Variants in MGAT4C observed in about 807,000 individuals in gnomAD.
The protein encoded by MGAT4C is MGAT4 family member C.
Under a neutral mutation model 40.1 loss-of-function variants are expected in MGAT4C, and 19 were observed. That is an observed-to-expected ratio of 0.47 (90% CI 0.33 to 0.70). MGAT4C has a LOEUF of 0.70. Among genes scored for constraint, MGAT4C ranks in the 30% least tolerant of loss-of-function variants. The pLI, the probability that MGAT4C is intolerant of heterozygous loss-of-function variation, is 0.02. For synonymous variants in MGAT4C, 181 were observed against 187.1 expected (o/e 0.97, Z 0.27); for missense variants, 491 against 563.2 (o/e 0.87, Z 1.30).
In MGAT4C at chr12:86,356,347, T is replaced by C. The variant is rs574285164; in HGVS notation, c.-119-22220A>G. ...ATTAAATGTTAATACACACACTAAT[T>C]TGGATCAGGTTCCAAGATGGCCAAA... On this transcript the variant is annotated intron_variant, in intron 3 of 7. Transcript: ENST00000548651. Among the ~76,000 whole-genome samples, 6 of 152,260 alleles carry C rather than the reference T, an allele frequency of 3.9e-5. No homozygotes were observed. The East Asian group carries it at 1.2e-3, about 29-fold the overall frequency.
chr12:86,304,553 A>G (rs1377111079), intron 4 of MGAT4C, among the ~76,000 whole-genome samples: 1 of 150,798 alleles, frequency 6.6e-6, no homozygotes, highest in Non-Finnish European at 1.5e-5. Flanking sequence ...TGTTTCTTAC[A>G]TATTCAAAAT....
rs190352373 is a variant in MGAT4C, at chr12:86,485,403, T to C, written c.-228-50138A>G. Among the ~76,000 whole-genome samples, 11 of 152,270 alleles carry C rather than the reference T, an allele frequency of 7.2e-5. No homozygotes were observed. In the East Asian group the frequency reaches 1.7e-3, roughly 24 times the overall value. ...CTAAGAAAGAAGCAAACCAGACTTC[T>C]GGAATTGAAAAAATCACTACAAGAA... is the stretch of plus-strand genomic sequence containing the variant. On this transcript the variant is annotated intron_variant, in intron 2 of 7. Transcript: ENST00000548651.
intron 1 of MGAT4C, among the ~76,000 whole-genome samples, chr12:86,055,109 A>C (rs1369826473): frequency 1.3e-5 from 2 of 151,994 alleles, no homozygotes; most frequent in South Asian, 2.1e-4. Flanking sequence ...AATATTCAGT[A>C]AGTTTTTGTT....
At chr12:86,475,149 T>C (rs1236704623) in intron 2 of MGAT4C, among the ~76,000 whole-genome samples, 1 of 152,084 alleles carries the variant, frequency 6.6e-6, no homozygotes, top group Admixed American at 6.6e-5. Flanking sequence ...ATGTAACTTT[T>C]GATAAACTTC....
chr12:86,719,526 G>A (rs985696919), intron 2 of MGAT4C, among the ~76,000 whole-genome samples: 5 of 152,200 alleles, frequency 3.3e-5, no homozygotes, highest in African/African-American at 1.2e-4. Flanking sequence ...AAATCCAGCT[G>A]AGTACATGTT....
At chr12:86,061,339 C>A (rs1257180221) in intron 1 of MGAT4C, among the ~76,000 whole-genome samples, 2 of 152,176 alleles carry the variant, frequency 1.3e-5, no homozygotes, top group Non-Finnish European at 2.9e-5. Context: ...AGATACTGTG[C>A]TTTTCCCATG....
intron 3 of MGAT4C, among the ~76,000 whole-genome samples, chr12:86,432,896 T>C (rs1957068175): frequency 6.6e-6 from 1 of 152,106 alleles, no homozygotes; most frequent in Admixed American, 6.6e-5. Flanking sequence ...TTCAACTTTT[T>C]TTTTCATAAA....
intron 2 of MGAT4C, among the ~76,000 whole-genome samples, chr12:86,521,471 A>G (rs1958793891): frequency 6.6e-6 from 1 of 152,104 alleles, no homozygotes; most frequent in Admixed American, 6.6e-5. Flanking sequence ...TGTTTACTGT[A>G]GCCCTGTAGT....
At chr12:86,354,415 T>C (rs1955258126) in intron 3 of MGAT4C, among the ~76,000 whole-genome samples, 1 of 152,112 alleles carries the variant, frequency 6.6e-6, no homozygotes, top group Non-Finnish European at 1.5e-5. Flanking sequence ...TAAGAAACAA[T>C]GACCTTAAAA....
intron 1 of MGAT4C, among the ~76,000 whole-genome samples, chr12:86,837,073 C>T (rs1593253229): frequency 6.6e-6 from 1 of 152,182 alleles, no homozygotes; most frequent in East Asian, 1.9e-4. Flanking sequence ...GAGTGCACTT[C>T]TGTAGGTTTA....
At chr12:86,114,839 A>G (rs1229619341) in intron 1 of MGAT4C, among the ~76,000 whole-genome samples, 1 of 151,918 alleles carries the variant, frequency 6.6e-6, no homozygotes, top group Non-Finnish European at 1.5e-5. Flanking sequence ...AAAGATGTTA[A>G]AATCTATTAC....
chr12:86,679,114 T>G (rs941361752), intron 2 of MGAT4C, among the ~76,000 whole-genome samples: 1 of 152,122 alleles, frequency 6.6e-6, no homozygotes, highest in Non-Finnish European at 1.5e-5. Flanking sequence ...TTTTTAATGA[T>G]CGCCATTCTA....
chr12:86,001,219 C>A (rs926404502), intron 2 of MGAT4C, among the ~76,000 whole-genome samples: 3 of 152,262 alleles, frequency 2.0e-5, no homozygotes, highest in African/African-American at 7.2e-5. Flanking sequence ...AAATTATCTA[C>A]CCTCTTAATG....
intron 3 of MGAT4C, among the ~76,000 whole-genome samples, chr12:86,361,458 A>G (rs943944150): frequency 1.3e-5 from 2 of 152,232 alleles, no homozygotes; most frequent in African/African-American, 4.8e-5. Context: ...ATCAAAAGCA[A>G]TGGCAACAAA....
At chr12:85,997,142 C>T (rs1886721529) in intron 2 of MGAT4C, among the ~76,000 whole-genome samples, 1 of 152,200 alleles carries the variant, frequency 6.6e-6, no homozygotes, top group Admixed American at 6.5e-5. Context: ...TCACATCTTA[C>T]ATGGATGGCA....
At chr12:86,255,647 C>T (rs557204790) in intron 1 of MGAT4C, among the ~76,000 whole-genome samples, 2 of 151,946 alleles carry the variant, frequency 1.3e-5, no homozygotes, top group Non-Finnish European at 2.9e-5. Flanking sequence ...CCCTTACATC[C>T]ATTCTTAAAA....
At chr12:86,828,474 G>C (rs1593245060) in intron 1 of MGAT4C, among the ~76,000 whole-genome samples, 1 of 151,252 alleles carries the variant, frequency 6.6e-6, no homozygotes, top group East Asian at 1.9e-4. Context: ...TTTTAAAAAT[G>C]ACTTTTATAA....
At chr12:86,475,385 TA>T (rs1275652619) in intron 2 of MGAT4C, among the ~76,000 whole-genome samples, 2 of 152,020 alleles carry the variant, frequency 1.3e-5, no homozygotes, top group Non-Finnish European at 1.5e-5. Flanking sequence ...ATTTATATAT[TA>T]TTTAAAAGAT....
intron 1 of MGAT4C, among the ~76,000 whole-genome samples, chr12:86,759,591 G>T (rs1044580233): frequency 1.3e-5 from 2 of 151,916 alleles, no homozygotes; most frequent in Non-Finnish European, 2.9e-5. Flanking sequence ...CTGGAGTAAG[G>T]TTATATCTCA....
Sources: allele counts gnomAD v4.1 joint callset (sites outside exome capture counted in the v4.1 genomes callset), GRCh38; gene constraint gnomAD v4.1.1; transcripts MANE v1.5; gene names NCBI Gene and HGNC (gene_info 2026-07-23, HGNC 2026-07-21).